The following SRPX2 variants were observed in gnomAD, a reference collection of about 807,000 sequenced individuals.
SRPX2 encodes the protein sushi repeat-containing protein SRPX2.
Under a neutral mutation model 45.3 loss-of-function variants are expected in SRPX2, and 26 were observed. The ratio of observed to expected loss-of-function variants is 0.57; its 90% CI spans 0.42 to 0.80. SRPX2 has a LOEUF of 0.80. SRPX2 is among the 30% of genes least tolerant of loss of function. The pLI is 0.00. For synonymous variants in SRPX2, 125 were observed against 143.7 expected (o/e 0.87, Z 0.93); for missense variants, 355 against 399.8 (o/e 0.89, Z 0.95).
intron 4 of SRPX2, 76 bp downstream of exon 4, chrX:100,662,443 C>T (rs2083191641): frequency 1.8e-6 from 2 of 1,103,550 alleles, no homozygotes; most frequent in East Asian, 3.0e-5. Flanking sequence ...GGTATATGCC[C>T]GGAGGTGTTA....
At chrX:100,652,582 G>A (rs977097039) in intron 3 of SRPX2, among the ~76,000 whole-genome samples, 1 of 111,238 alleles carries the variant, frequency 9.0e-6, no homozygotes, top group Non-Finnish European at 1.9e-5. Context: ...AGATATCTGG[G>A]CAGTACCTGT....
rs1602717248 is a variant in SRPX2 at position 100,651,013 on chromosome X, T to C, written c.163+148T>C. On this transcript the variant is annotated intron_variant, in intron 3 of 10. Transcript: ENST00000373004. ...GGGCTGTGATTTCTCATCATGAACT[T>C]GGTTACTGACTTACTGTGTGACCTC... The C allele has an allele frequency of 4.6e-5, 22 of 479,943 alleles. No individual in the cohort carries two copies. The East Asian group carries it at 8.1e-4, about 18-fold the overall frequency. 39.6% of individuals were successfully genotyped at this position (479,943 alleles called of 1,213,427 possible). A position where few individuals can be genotyped will look rare whatever the true frequency, so the allele number is the denominator to read the frequency against.
chrX:100,662,989 G>A (rs963539327), intron 4 of SRPX2, among the ~76,000 whole-genome samples: 3 of 111,818 alleles, frequency 2.7e-5, no homozygotes, highest in Admixed American at 9.5e-5. Flanking sequence ...CCATGTATGC[G>A]CAGCCCTGTA....
At chrX:100,651,142 T>C in intron 3 of SRPX2, 2 of 350,928 alleles carry the variant, frequency 5.7e-6, no homozygotes, top group South Asian at 9.7e-5. Context: ...TAATACAAGG[T>C]CTCAGATAGG....
chrX:100,662,680 C>T (rs2083192218), intron 4 of SRPX2, among the ~76,000 whole-genome samples: 1 of 112,118 alleles, frequency 8.9e-6, no homozygotes, highest in Non-Finnish European at 1.9e-5. Flanking sequence ...TTCTGGAGCT[C>T]CTAAGGATGT....
At chrX:100,655,378 G>A (rs1345250828) in intron 3 of SRPX2, among the ~76,000 whole-genome samples, 2 of 109,291 alleles carry the variant, frequency 1.8e-5, no homozygotes, top group African/African-American at 6.6e-5. Context: ...ACTATTAAAA[G>A]TAGTTATTTG....
Sources: gnomAD v4.1 joint callset for allele counts (sites outside exome capture counted in the v4.1 genomes callset) on GRCh38, gnomAD v4.1.1 for gene constraint, MANE v1.5 for transcripts, NCBI Gene and HGNC (gene_info 2026-07-23, HGNC 2026-07-21) for gene names.